Variants in CIITA observed in about 807,000 individuals in gnomAD.
CIITA encodes class II major histocompatibility complex transactivator.
CIITA carries 72 observed loss-of-function variants against 115.1 expected under a neutral mutation model. The observed-to-expected ratio is 0.63, with a 90% confidence interval of 0.52 to 0.76. The LOEUF is 0.76. Among genes scored for constraint, CIITA ranks in the 30% least tolerant of loss-of-function variants. The pLI is 0.00. For missense variants in CIITA, 1,617 were observed against 1,463.8 expected, an observed-to-expected ratio of 1.10 and a Z score of -1.71; for synonymous variants, 763 against 635.6, an observed-to-expected ratio of 1.20 and a Z score of -3.02.
intron 13 of CIITA, among the ~76,000 whole-genome samples, chr16:10,913,042 T>C (rs2039687866): frequency 6.6e-6 from 1 of 152,212 alleles, no homozygotes; most frequent in South Asian, 2.1e-4. Context: ...TGTTCACCCT[T>C]ATCTCCTACA....
rs2041112614 is a variant in CIITA, at chr16:10,942,277, C to T, written n.1403C>T. The T allele has an allele frequency of 6.1e-6, 2 of 328,194 alleles. No homozygotes were observed. Among genetic ancestry groups the T allele is most frequent in the South Asian group, 8.6e-5 (2 of 23,218 alleles). The allele number at this position is 328,194 out of a possible 1,614,324, so 20.3% of individuals were successfully genotyped here. ...TGAAGTGGCCCGCGGCTGCCCGGCT[C>T]CCTCGTGGCGCCTCCCTGGCGCTCG... On this transcript the variant is annotated non_coding_transcript_exon_variant, in exon 2 of 2. Transcript: ENST00000573379. The surrounding 1 kb of genome is among the most constrained non-coding windows in gnomAD (Gnocchi z 5.0).
At chr16:10,938,612 G>A (rs558806231), downstream of CIITA, 11 of 152,270 alleles carry the variant, frequency 7.2e-5, no homozygotes, top group African/African-American at 1.9e-4. The surrounding 1 kb of genome is among the most constrained non-coding windows in gnomAD (Gnocchi z 4.9). Context: ...CTTTCCTGGC[G>A]GCTTCCCTGC....
At position 10,907,223 on chromosome 16, in the gene CIITA, C is replaced by T. The variant is rs142848848; in HGVS notation, c.1731C>T (p.Tyr577=). Residue 577 remains tyrosine (Y), a synonymous_variant, in exon 11 of 20, where the codon TAC becomes TAT. Transcript: ENST00000324288. The surrounding 1 kb of genome is among the most constrained non-coding windows in gnomAD (Gnocchi z 5.0). ...TCTCCATGGAGCAGGCCCAGGCATA[C>T]GTGATGCGCTACTTTGAGAGCTCAG... ...SGFSMEQAQA[Y]VMRYFESSGM... 3.9e-5 allele frequency: 63 copies of T among 1,613,364 alleles called. No individual in the cohort carries two copies. Among genetic ancestry groups the T allele is most frequent in the South Asian group, 3.6e-4 (33 of 91,080 alleles).
rs1482637073 is a variant in CIITA, at chr16:10,942,027, G to A, written n.1153G>A. 7 of 1,392,766 alleles carry A rather than the reference G, an allele frequency of 5.0e-6. No individual in the cohort carries two copies. Among genetic ancestry groups the A allele is most frequent in the African/African-American group, 1.5e-5 (1 of 66,002 alleles). 86.3% of individuals were successfully genotyped at this position (1,392,766 alleles called of 1,614,324 possible). The stretch of plus-strand genomic sequence containing the variant: ...GCATGCAGCGGGTGGCAAGGGCGGC[G>A]GCCCGGCGATCCCGGCGAACTCAGC... On this transcript the variant is annotated non_coding_transcript_exon_variant, in exon 2 of 2. Transcript: ENST00000573379. This position sits in a 1 kb window ranked among gnomAD's most constrained non-coding sequence, Gnocchi z 5.0.
At chr16:10,871,643 A>G (rs925849610) in intron 1 of CIITA, among the ~76,000 whole-genome samples, 5 of 152,092 alleles carry the variant, frequency 3.3e-5, no homozygotes, top group African/African-American at 9.7e-5. Context: ...GGCCCTTAGG[A>G]TGTGAGAAAC....
chr16:10,911,791 T>G (rs2039602176), intron 13 of CIITA, among the ~76,000 whole-genome samples: 3 of 152,102 alleles, frequency 2.0e-5, no homozygotes, highest in Non-Finnish European at 4.4e-5. Context: ...GCTCAAGCAA[T>G]CCTCCCACCT....
At position 10,898,947 on chromosome 16, in the gene CIITA, G is replaced by T. The variant is rs750928642; in HGVS notation, c.381G>T (p.Val127=). ...TAGAGCACATAGGACCAGATGAAGTGATCGGTGAGAGTATGGAGATGCCAG... is the reference window on the plus strand; with the variant it reads ...TAGAGCACATAGGACCAGATGAAGTTATCGGTGAGAGTATGGAGATGCCAG... ...DIFKHIGPDE[V]IGESMEMPAE... The change falls in exon 5 of 20, where the codon GTG becomes GTT. Residue 127 remains valine, a synonymous_variant. Transcript: ENST00000324288. The T allele has an allele frequency of 6.2e-7, 1 of 1,614,022 alleles. No individual in the cohort carries two copies. Among genetic ancestry groups the T allele is most frequent in the Non-Finnish European group, 8.5e-7 (1 of 1,180,010 alleles).
At position 10,901,380 on chromosome 16, in the gene CIITA, AG is replaced by A; in HGVS notation, c.437-130del. 1 of 870,014 alleles carries A rather than the reference AG, an allele frequency of 1.1e-6. No individual in the cohort carries two copies. The allele number at this position is 870,014 out of a possible 1,614,324, so 53.9% of individuals were successfully genotyped here. ...GAGCTGGGGTTGGAATGTTAGAGCGAGGGGAGGAAAATGGACCCCCAAGACC... is the reference window on the plus strand; with the variant it reads ...GAGCTGGGGTTGGAATGTTAGAGCGAGGGAGGAAAATGGACCCCCAAGACC... On this transcript the variant is annotated intron_variant, in intron 5 of 19. Coordinates refer to ENST00000324288, the MANE Select transcript of CIITA (RefSeq NM_000246.4). This position sits in a 1 kb window ranked among gnomAD's most constrained non-coding sequence, Gnocchi z 6.8.
upstream of CIITA, among the ~76,000 whole-genome samples, chr16:10,876,175 CA>C (rs923361235): frequency 3.3e-5 from 5 of 151,342 alleles, no homozygotes; most frequent in South Asian, 2.1e-4. Flanking sequence ...CAAAAACAAA[CA>C]AAAAAAACCC....
At chr16:10,873,441 A>G (rs990342994), upstream of CIITA, among the ~76,000 whole-genome samples, 1 of 152,212 alleles carries the variant, frequency 6.6e-6, no homozygotes, top group Non-Finnish European at 1.5e-5. Flanking sequence ...GTTTTGTAAA[A>G]CACAGCAAAG....
At chr16:10,884,166 C>CA (rs1418936657) in intron 1 of CIITA, among the ~76,000 whole-genome samples, 2 of 152,176 alleles carry the variant, frequency 1.3e-5, no homozygotes, top group African/African-American at 4.8e-5. Context: ...AACCTGCCTC[C>CA]AACTGCTGAG....
intron 10 of CIITA, among the ~76,000 whole-genome samples, chr16:10,905,420 G>A (rs1351020864): frequency 6.6e-6 from 1 of 152,184 alleles, no homozygotes; most frequent in African/African-American, 2.4e-5. Flanking sequence ...CCCATGGTGA[G>A]TGAGTAGTGA....
In CIITA at chr16:10,902,641, G is replaced by T. The variant is rs1251526743; in HGVS notation, c.629-17G>T. 1 of 1,614,184 alleles carries T rather than the reference G, an allele frequency of 6.2e-7. No individual in the cohort carries two copies. The highest frequency in any genetic ancestry group is 8.5e-7 in the Non-Finnish European group (1 of 1,180,028). On this transcript the variant is annotated splice_polypyrimidine_tract_variant and intron_variant, in intron 7 of 19. Transcript: ENST00000324288. ...GTGCTATGCAAGATCCCACCTCACT[G>T]CCTTTGTCTCTTGCAGTGCCTTTCT...
In CIITA at chr16:10,904,729, C is replaced by T. The variant is rs568372442; in HGVS notation, c.938-15C>T. On this transcript the variant is annotated splice_polypyrimidine_tract_variant and intron_variant, in intron 9 of 19. Coordinates refer to ENST00000324288, the MANE Select transcript of CIITA (RefSeq NM_000246.4). ...ACCCTCACCCTAAATCTGGCACCTG[C>T]TTCTCCATCTCCAGAGCACAAGACG... is the stretch of plus-strand genomic sequence containing the variant. The T allele has an allele frequency of 6.2e-6, 10 of 1,614,104 alleles. No homozygotes were observed. Among genetic ancestry groups the T allele is most frequent in the South Asian group, 5.5e-5 (5 of 91,080 alleles).
chr16:10,887,728 C>G (rs576279448), intron 1 of CIITA, among the ~76,000 whole-genome samples: 1 of 152,256 alleles, frequency 6.6e-6, no homozygotes, highest in South Asian at 2.1e-4. Flanking sequence ...CTCCTGACCT[C>G]AAGTAATCCG....
Position 10,934,647 on chromosome 16 carries a change from T to G in CIITA, c.*10792T>G, listed in dbSNP as rs1196657356. On this transcript the variant is annotated 3_prime_UTR_variant, in exon 20 of 20. Coordinates refer to ENST00000324288, the MANE Select transcript of CIITA (RefSeq NM_000246.4). This position sits in a 1 kb window ranked among gnomAD's most constrained non-coding sequence, Gnocchi z 4.2. ...AGCCTCAGTTTCCTCCCTGGTCTAATGGAACCCTCCTTGGCGGCTTCACAG... is the reference window on the plus strand; with the variant it reads ...AGCCTCAGTTTCCTCCCTGGTCTAAGGGAACCCTCCTTGGCGGCTTCACAG... The G allele has an allele frequency of 2.0e-5, 3 of 152,244 alleles. No homozygotes were observed. Among genetic ancestry groups the G allele is most frequent in the African/African-American group, 7.2e-5 (3 of 41,466 alleles). The allele number at this position is 152,244 out of a possible 1,614,324, so 9.4% of individuals were successfully genotyped here. A position where few individuals can be genotyped will look rare whatever the true frequency, so the allele number is the denominator to read the frequency against.
At chr16:10,881,870 T>C (rs962950700) in intron 1 of CIITA, among the ~76,000 whole-genome samples, 4 of 152,230 alleles carry the variant, frequency 2.6e-5, no homozygotes, top group African/African-American at 9.6e-5. Context: ...TCCAACTTCC[T>C]GTCTCTATGT....
At chr16:10,895,575 G>T in intron 2 of CIITA, 94 bp from the exon 3 acceptor site, 1 of 1,566,104 alleles carries the variant, frequency 6.4e-7, no homozygotes, top group Non-Finnish European at 8.7e-7. Flanking sequence ...TGCAGATGGG[G>T]ATGATCTCCC....
At chr16:10,912,592 T>C (rs1461083923) in intron 13 of CIITA, among the ~76,000 whole-genome samples, 2 of 152,092 alleles carry the variant, frequency 1.3e-5, no homozygotes, top group Admixed American at 6.6e-5. Flanking sequence ...TGATCACTGC[T>C]CCCCTGTGCC....
Sources: gnomAD v4.1 joint callset for allele counts (sites outside exome capture counted in the v4.1 genomes callset) on GRCh38, gnomAD v4.1.1 for gene constraint, Gnocchi (gnomAD v3.1) non-coding constraint, MANE v1.5 for transcripts, NCBI Gene and HGNC (gene_info 2026-07-23, HGNC 2026-07-21) for gene names.